TASP1: variants seen among roughly 807,000 people sequenced by gnomAD.
The protein encoded by TASP1 is threonine aspartase 1.
Under a neutral mutation model 56.6 loss-of-function variants are expected in TASP1, and 16 were observed. The observed-to-expected ratio is 0.28, with a 90% CI of 0.19 to 0.43. TASP1 has a LOEUF of 0.43. Among genes scored for constraint, TASP1 ranks in the 20% least tolerant of loss-of-function variants. The pLI is 1.00. For synonymous variants in TASP1, 179 were observed against 184.2 expected, an observed-to-expected ratio of 0.97 and a Z score of 0.23; for missense variants, 393 against 511.6, an observed-to-expected ratio of 0.77 and a Z score of 2.24.
chr20:13,290,983 G>A, the TASP1 span, among the ~76,000 whole-genome samples: 38 of 152,210 alleles, frequency 2.5e-4, no homozygotes, highest in Admixed American at 1.2e-3. Context: ...TCTTTACCAA[G>A]AGAAGGGTAT....
chr20:13,467,735 G>A (rs1011646568), intron 11 of TASP1, among the ~76,000 whole-genome samples: 4 of 152,044 alleles, frequency 2.6e-5, no homozygotes, highest in Admixed American at 6.6e-5. Context: ...ACATACACAC[G>A]GCCAGGTGCA....
chr20:13,522,727 G>A (rs1403344258), intron 10 of TASP1, among the ~76,000 whole-genome samples: 1 of 152,104 alleles, frequency 6.6e-6, no homozygotes, highest in East Asian at 1.9e-4. Flanking sequence ...CACATAGATG[G>A]TACTTAGCCA....
At chr20:13,392,894 T>C (rs1451299015) in intron 13 of TASP1, 9 of 650,584 alleles carry the variant, frequency 1.4e-5, no homozygotes, top group Non-Finnish European at 2.6e-5. Flanking sequence ...GGAAATCCCA[T>C]CAGCATCTTT....
chr20:13,365,668 A>C, the TASP1 span, among the ~76,000 whole-genome samples: 5 of 152,194 alleles, frequency 3.3e-5, no homozygotes, highest in African/African-American at 7.2e-5. Flanking sequence ...GCTGACAAAA[A>C]AGAGAGGGGA....
the TASP1 span, among the ~76,000 whole-genome samples, chr20:13,347,523 G>C: frequency 6.6e-6 from 1 of 152,210 alleles, no homozygotes; most frequent in Non-Finnish European, 1.5e-5. Flanking sequence ...CTGAGCCCCA[G>C]TTGCCTCAAT....
chr20:13,566,333 T>C lies in TASP1; in HGVS notation c.568+3174A>G, dbSNP rs144696277. Reference sequence around the variant, plus strand: ...TTAAGATGGTAAATTTTATGTTATGTGTATTTTACCATAATTTTAAAAAGA... The same window carrying C: ...TTAAGATGGTAAATTTTATGTTATGCGTATTTTACCATAATTTTAAAAAGA... On this transcript the variant is annotated intron_variant, in intron 7 of 13. Coordinates refer to ENST00000337743, the MANE Select transcript of TASP1 (RefSeq NM_017714.3). Among the ~76,000 whole-genome samples, 272 of 152,334 alleles carry C rather than the reference T, an allele frequency of 1.8e-3. 1 individual carries two copies. The highest frequency in any genetic ancestry group is 6.3e-3 in the African/African-American group (263 of 41,576).
intron 4 of TASP1, 44 bp from the exon 5 acceptor site, chr20:13,587,414 A>G (rs779115222): frequency 8.5e-6 from 13 of 1,521,804 alleles, no homozygotes; most frequent in Non-Finnish European, 1.2e-5. Flanking sequence ...AGTCTTAAAA[A>G]AAGTATTAAT....
intron 6 of TASP1, among the ~76,000 whole-genome samples, chr20:13,577,360 T>C (rs2046961033): frequency 6.6e-6 from 1 of 152,192 alleles, no homozygotes; most frequent in South Asian, 2.1e-4. Context: ...CACATTGTTT[T>C]GTAATCTTTT....
At chr20:13,539,193 T>A (rs1433158201) in intron 8 of TASP1, among the ~76,000 whole-genome samples, 1 of 152,244 alleles carries the variant, frequency 6.6e-6, no homozygotes, top group Non-Finnish European at 1.5e-5. Flanking sequence ...CTATTAACGA[T>A]GTTTCTTATA....
At chr20:13,434,296 G>C (rs930850552) in intron 12 of TASP1, among the ~76,000 whole-genome samples, 6 of 152,242 alleles carry the variant, frequency 3.9e-5, no homozygotes, top group Middle Eastern at 3.4e-3. Context: ...TAGTGCCCCT[G>C]CTAGTGCATG....
chr20:13,404,160 C>G (rs1339575313), intron 13 of TASP1, among the ~76,000 whole-genome samples: 1 of 152,162 alleles, frequency 6.6e-6, no homozygotes, highest in Non-Finnish European at 1.5e-5. Context: ...AGTTATTAAA[C>G]TTCATATAAA....
At chr20:13,598,022 A>G (rs1184201508) in intron 4 of TASP1, among the ~76,000 whole-genome samples, 5 of 152,114 alleles carry the variant, frequency 3.3e-5, no homozygotes, top group East Asian at 1.9e-4. Context: ...ACTGCTCAAC[A>G]AAATAAAAGA....
Position 13,417,530 on chromosome 20 carries a change from A to G in TASP1, c.1097-9T>C, listed in dbSNP as rs2042297570. ...GCTCCACAGAAATTCCACTGCCATA[A>G]AAGAGAACACAAATAGGCACATTCA... On this transcript the variant is annotated splice_polypyrimidine_tract_variant and intron_variant, in intron 12 of 13. Coordinates refer to ENST00000337743, the MANE Select transcript of TASP1 (RefSeq NM_017714.3). 6.2e-7 allele frequency: 1 copy of G among 1,613,978 alleles called. No homozygotes were observed. The highest frequency in any genetic ancestry group is 1.3e-5 in the African/African-American group (1 of 74,928).
intron 11 of TASP1, among the ~76,000 whole-genome samples, chr20:13,477,556 C>A (rs1475172498): frequency 6.6e-6 from 1 of 152,012 alleles, no homozygotes; most frequent in African/African-American, 2.4e-5. Context: ...CACATACAGC[C>A]AAGGTTTGCA....
intron 11 of TASP1, among the ~76,000 whole-genome samples, chr20:13,472,702 G>C (rs2044557656): frequency 6.6e-6 from 1 of 151,242 alleles, no homozygotes; most frequent in East Asian, 1.9e-4. Context: ...TTCAAAAGAA[G>C]ACGTTTATGC....
chr20:13,356,129 A>G, the TASP1 span, among the ~76,000 whole-genome samples: 1 of 152,230 alleles, frequency 6.6e-6, no homozygotes, highest in Non-Finnish European at 1.5e-5. Context: ...ACAAAAAAAT[A>G]GAGAAAGGAC....
At chr20:13,582,357 CTT>C (rs2047158622) in intron 5 of TASP1, among the ~76,000 whole-genome samples, 1 of 151,396 alleles carries the variant, frequency 6.6e-6, no homozygotes, top group Non-Finnish European at 1.5e-5. Flanking sequence ...TAACTTATAA[CTT>C]ATAAATTGGA....
chr20:13,197,950 T>G, the TASP1 span, among the ~76,000 whole-genome samples: 4 of 152,254 alleles, frequency 2.6e-5, no homozygotes, highest in Non-Finnish European at 5.9e-5. Flanking sequence ...GTCATTTTTA[T>G]GTATATACTA....
At chr20:13,392,915 A>G (rs2041346075) in intron 13 of TASP1, 1 of 638,002 alleles carries the variant, frequency 1.6e-6, no homozygotes, top group Non-Finnish European at 2.9e-6. Context: ...CAGGAGTGAG[A>G]TCCCACCAAA....
Sources: allele counts gnomAD v4.1 joint callset (sites outside exome capture counted in the v4.1 genomes callset), GRCh38; gene constraint gnomAD v4.1.1; transcripts MANE v1.5; gene names NCBI Gene and HGNC (gene_info 2026-07-23, HGNC 2026-07-21).